Variants in OPCML observed in about 807,000 individuals in gnomAD.
The protein encoded by OPCML is opioid binding protein/cell adhesion molecule like.
In OPCML, 13 loss-of-function variants were observed where a neutral mutation model predicts 37.8. The ratio of observed to expected loss-of-function variants is 0.34; its 90% CI spans 0.22 to 0.55. The LOEUF (loss-of-function observed/expected upper bound fraction) is 0.55. Ranked by LOEUF, OPCML falls within the 20% of genes least tolerant of loss-of-function variation. The pLI is 0.91. For synonymous variants in OPCML, 176 were observed against 168.8 expected, an observed-to-expected ratio of 1.04 and a Z score of -0.33; for missense variants, 341 against 435.6, an observed-to-expected ratio of 0.78 and a Z score of 1.93.
chr11:133,191,574 A>G (rs369148613), intron 1 of OPCML, among the ~76,000 whole-genome samples: 2 of 150,184 alleles, frequency 1.3e-5, no homozygotes, highest in African/African-American at 2.5e-5. Flanking sequence ...CTGGAGTACA[A>G]AGGCGTGATC....
intron 1 of OPCML, among the ~76,000 whole-genome samples, chr11:133,266,028 A>G (rs970632963): frequency 8.5e-5 from 13 of 152,214 alleles, no homozygotes; most frequent in African/African-American, 3.1e-4. Context: ...GCCAAGAATC[A>G]AAATAGCAAT....
intron 1 of OPCML, among the ~76,000 whole-genome samples, chr11:133,325,522 T>TTA (rs550719038): frequency 7.9e-5 from 12 of 152,222 alleles, no homozygotes; most frequent in East Asian, 3.9e-4. Context: ...AACAGAGAGA[T>TTA]TATATATATA....
intron 2 of OPCML, among the ~76,000 whole-genome samples, chr11:132,904,985 C>T (rs1267717808): frequency 6.6e-6 from 1 of 152,176 alleles, no homozygotes; most frequent in Non-Finnish European, 1.5e-5. Flanking sequence ...AGTGTACATG[C>T]TCAGTGACAC....
At chr11:133,306,101 C>G (rs1942909555) in intron 1 of OPCML, among the ~76,000 whole-genome samples, 2 of 152,126 alleles carry the variant, frequency 1.3e-5, no homozygotes, top group Admixed American at 1.3e-4. Flanking sequence ...GAATTGGTAG[C>G]ACAGTAGTGT....
In OPCML at chr11:133,118,023, C is replaced by T. The variant is rs1434927305; in HGVS notation, c.62-175013G>A. The T allele has an allele frequency of 4.9e-6, 4 of 812,146 alleles. No homozygotes were observed. The East Asian group carries it at 3.8e-4, about 77-fold the overall frequency. 50.3% of individuals were successfully genotyped at this position (812,146 alleles called of 1,614,324 possible). A position where few individuals can be genotyped will look rare whatever the true frequency, so the allele number is the denominator to read the frequency against. ...AGCTTTTGTTTTCAACCTGAGTCTA[C>T]AGGGGTGTGAAGTTTCCCCAGCAGG... On this transcript the variant is annotated intron_variant, in intron 1 of 7. Coordinates refer to ENST00000524381, the MANE Select transcript of OPCML (RefSeq NM_001012393.5).
chr11:132,652,053 C>T (rs560006328), intron 3 of OPCML, among the ~76,000 whole-genome samples: 5 of 152,248 alleles, frequency 3.3e-5, no homozygotes, highest in African/African-American at 1.2e-4. Context: ...TAGATCTCTG[C>T]ATTCTTTCAG....
chr11:132,777,672 G>A (rs1184360619), intron 2 of OPCML, among the ~76,000 whole-genome samples: 3 of 152,044 alleles, frequency 2.0e-5, no homozygotes, highest in Non-Finnish European at 4.4e-5. Context: ...AAGATAAATC[G>A]GCCACTTAAT....
At chr11:132,665,305 A>T (rs1942170194) in intron 2 of OPCML, among the ~76,000 whole-genome samples, 1 of 152,184 alleles carries the variant, frequency 6.6e-6, no homozygotes, top group South Asian at 2.1e-4. Context: ...CTGATGATAG[A>T]TGAGTCCACC....
chr11:132,693,768 C>T (rs1180335775), intron 2 of OPCML, among the ~76,000 whole-genome samples: 1 of 152,074 alleles, frequency 6.6e-6, no homozygotes, highest in East Asian at 1.9e-4. Flanking sequence ...TTAAGGTTTG[C>T]TATAATTGGT....
chr11:132,769,667 C>T (rs537090742), intron 2 of OPCML, among the ~76,000 whole-genome samples: 2 of 152,208 alleles, frequency 1.3e-5, no homozygotes, highest in South Asian at 4.2e-4. Context: ...CATGTAAAGG[C>T]GGGGTGGAAA....
intron 1 of OPCML, among the ~76,000 whole-genome samples, chr11:133,348,277 A>C (rs554203643): frequency 1.1e-4 from 16 of 152,332 alleles, no homozygotes; most frequent in Middle Eastern, 6.8e-3. Flanking sequence ...ATTGAATCTC[A>C]TCTAGCATAT....
intron 1 of OPCML, among the ~76,000 whole-genome samples, chr11:133,466,013 A>T (rs890655407): frequency 6.6e-6 from 1 of 152,238 alleles, no homozygotes; most frequent in Non-Finnish European, 1.5e-5. Flanking sequence ...GTTGAAATAA[A>T]TCACCAGGTT....
intron 1 of OPCML, among the ~76,000 whole-genome samples, chr11:133,465,903 C>T (rs888283062): frequency 6.6e-6 from 1 of 152,170 alleles, no homozygotes; most frequent in African/African-American, 2.4e-5. Flanking sequence ...ATGCATACAT[C>T]TATATCCTGA....
intron 1 of OPCML, among the ~76,000 whole-genome samples, chr11:133,451,152 T>C (rs2136958572): frequency 6.6e-6 from 1 of 151,846 alleles, no homozygotes; most frequent in African/African-American, 2.4e-5. Context: ...AAATCTGCTT[T>C]CTATTTTGGC....
intron 4 of OPCML, among the ~76,000 whole-genome samples, chr11:132,515,628 A>C (rs1053058436): frequency 2.6e-5 from 4 of 152,174 alleles, no homozygotes; most frequent in Admixed American, 2.6e-4. Context: ...GAGACTGGAG[A>C]GCCCACTCTA....
chr11:133,453,778 T>C (rs1023527303), intron 1 of OPCML, among the ~76,000 whole-genome samples: 3 of 152,234 alleles, frequency 2.0e-5, no homozygotes, highest in African/African-American at 7.2e-5. Flanking sequence ...AAGGGTCTTA[T>C]ATGTCCACAA....
intron 3 of OPCML, among the ~76,000 whole-genome samples, chr11:132,595,527 A>G (rs1213627984): frequency 6.6e-6 from 1 of 152,036 alleles, no homozygotes; most frequent in African/African-American, 2.4e-5. Context: ...TCTGAAACCT[A>G]TTTCAGCCCT....
intron 1 of OPCML, among the ~76,000 whole-genome samples, chr11:133,134,343 G>A (rs1949649519): frequency 6.6e-6 from 1 of 152,128 alleles, no homozygotes; most frequent in African/African-American, 2.4e-5. Flanking sequence ...AATCCACATA[G>A]AATAATAGAA....
chr11:132,577,716 C>T (rs1410239293), intron 3 of OPCML, among the ~76,000 whole-genome samples: 1 of 152,300 alleles, frequency 6.6e-6, no homozygotes, highest in East Asian at 1.9e-4. Flanking sequence ...TCTTAGTAAA[C>T]ACCACCTCTG....
Sources: gnomAD v4.1 joint callset for allele counts (sites outside exome capture counted in the v4.1 genomes callset) on GRCh38, gnomAD v4.1.1 for gene constraint, MANE v1.5 for transcripts, NCBI Gene and HGNC (gene_info 2026-07-23, HGNC 2026-07-21) for gene names.